Variants in CALN1 observed in about 807,000 individuals in gnomAD.
The protein encoded by CALN1 is calcium-binding protein 8.
Under a neutral mutation model 30.6 loss-of-function variants are expected in CALN1, and 17 were observed. That is an observed-to-expected ratio of 0.56 (90% CI 0.38 to 0.83). The LOEUF is 0.83. Among genes scored for constraint, CALN1 ranks in the 40% least tolerant of loss-of-function variants. The pLI, the probability that CALN1 is intolerant of heterozygous loss-of-function variation, is 0.00. For synonymous variants in CALN1, 156 were observed against 131.4 expected (o/e 1.19, Z -1.28); for missense variants, 291 against 354.9 (o/e 0.82, Z 1.45).
At chr7:72,303,729 G>A (rs949111506) in intron 2 of CALN1, among the ~76,000 whole-genome samples, 4 of 151,950 alleles carry the variant, frequency 2.6e-5, no homozygotes, top group African/African-American at 9.7e-5. Context: ...ACAGCACTAG[G>A]TGGGGTGTGC....
At chr7:72,201,515 T>C (rs1791414124) in intron 3 of CALN1, among the ~76,000 whole-genome samples, 1 of 151,262 alleles carries the variant, frequency 6.6e-6, no homozygotes, top group Non-Finnish European at 1.5e-5. Flanking sequence ...CGCTTGAACC[T>C]GGTAGGCAAA....
At chr7:72,088,715 A>AG (rs202048345) in intron 4 of CALN1, among the ~76,000 whole-genome samples, 2,680 of 150,776 alleles carry the variant, frequency 0.018, 92 homozygotes, top group African/African-American at 0.062. Flanking sequence ...AAAAAAAAAA[A>AG]AAAGAAAGAA....
intron 4 of CALN1, among the ~76,000 whole-genome samples, chr7:72,052,695 C>T (rs966216821): frequency 3.9e-5 from 6 of 152,172 alleles, no homozygotes; most frequent in Non-Finnish European, 7.3e-5. Flanking sequence ...AATCTACAGC[C>T]AGGCAGAGAA....
chr7:71,810,935 G>A (rs1452105303), intron 5 of CALN1, among the ~76,000 whole-genome samples: 4 of 133,452 alleles, frequency 3.0e-5, no homozygotes, highest in South Asian at 4.6e-4. Context: ...TTGCTCTTTC[G>A]CCCAGGCTGG....
At chr7:71,871,574 C>A (rs1010092141) in intron 5 of CALN1, among the ~76,000 whole-genome samples, 1 of 152,110 alleles carries the variant, frequency 6.6e-6, no homozygotes, top group Non-Finnish European at 1.5e-5. Context: ...CCGAGTAAGA[C>A]CCCATCTCTA....
chr7:72,478,658 C>A, the CALN1 span, among the ~76,000 whole-genome samples: 3 of 151,850 alleles, frequency 2.0e-5, no homozygotes, highest in Non-Finnish European at 4.4e-5. Context: ...TCAGTCTGTA[C>A]CTGATTGCTT....
chr7:72,196,095 G>T (rs1447544079), intron 3 of CALN1, among the ~76,000 whole-genome samples: 1 of 152,020 alleles, frequency 6.6e-6, no homozygotes, highest in Non-Finnish European at 1.5e-5. Context: ...GAATGCTAAG[G>T]GGTATTAAGT....
chr7:72,073,987 G>A (rs1453231994), intron 4 of CALN1, among the ~76,000 whole-genome samples: 1 of 152,120 alleles, frequency 6.6e-6, no homozygotes, highest in Non-Finnish European at 1.5e-5. Flanking sequence ...AAGCCACCAT[G>A]CCTGGCCTGG....
chr7:71,850,896 T>G (rs1041200354), intron 5 of CALN1, among the ~76,000 whole-genome samples: 8 of 152,050 alleles, frequency 5.3e-5, no homozygotes, highest in Non-Finnish European at 8.8e-5. Flanking sequence ...AAAAACAGAA[T>G]ACCATTTATG....
chr7:72,284,712 C>A (rs752164911), intron 2 of CALN1, among the ~76,000 whole-genome samples: 2 of 152,128 alleles, frequency 1.3e-5, no homozygotes, highest in Non-Finnish European at 2.9e-5. Flanking sequence ...ACCATTATTT[C>A]TCTTGGGTCT....
chr7:71,812,595 A>G (rs1057077330), intron 5 of CALN1, among the ~76,000 whole-genome samples: 1 of 152,208 alleles, frequency 6.6e-6, no homozygotes, highest in Non-Finnish European at 1.5e-5. Flanking sequence ...TGAGCTCAGG[A>G]AAGAACTGGT....
chr7:71,824,911 A>T (rs963500812), intron 5 of CALN1, among the ~76,000 whole-genome samples: 2 of 152,118 alleles, frequency 1.3e-5, no homozygotes, highest in African/African-American at 4.8e-5. Context: ...AGTCCTACCT[A>T]CACAGTTGAG....
intron 5 of CALN1, among the ~76,000 whole-genome samples, chr7:71,832,273 T>C (rs1789334179): frequency 1.3e-5 from 2 of 152,198 alleles, no homozygotes; most frequent in African/African-American, 4.8e-5. Flanking sequence ...CAGTTCCTTT[T>C]ACCACACCAA....
chr7:72,227,156 C>G (rs139168080), intron 3 of CALN1, among the ~76,000 whole-genome samples: 1 of 151,716 alleles, frequency 6.6e-6, no homozygotes, highest in African/African-American at 2.4e-5. Context: ...CAGTTTCAAT[C>G]GTATCTCAAA....
At chr7:71,996,523 G>A (rs1479560313) in intron 5 of CALN1, among the ~76,000 whole-genome samples, 1 of 152,186 alleles carries the variant, frequency 6.6e-6, no homozygotes, top group African/African-American at 2.4e-5. Flanking sequence ...GAGGATAATG[G>A]CTTCCAGCTC....
chr7:72,492,352 G>A, the CALN1 span, among the ~76,000 whole-genome samples: 162 of 152,346 alleles, frequency 1.1e-3, no homozygotes, highest in Non-Finnish European at 1.8e-3. Flanking sequence ...GCAAAGCCAG[G>A]TCTAGAAGCC....
At chr7:72,295,458 T>C (rs1339309212) in intron 2 of CALN1, among the ~76,000 whole-genome samples, 2 of 151,974 alleles carry the variant, frequency 1.3e-5, no homozygotes, top group African/African-American at 4.8e-5. Context: ...TTGGGCAGTA[T>C]GGCCATTTTC....
At chr7:72,401,449 A>G (rs574822058) in intron 2 of CALN1, among the ~76,000 whole-genome samples, 1 of 152,244 alleles carries the variant, frequency 6.6e-6, no homozygotes, top group East Asian at 1.9e-4. Flanking sequence ...ATACATCCCC[A>G]AGGAATAACA....
At chr7:72,103,765 G>A (rs535681849) in intron 4 of CALN1, among the ~76,000 whole-genome samples, 1 of 152,078 alleles carries the variant, frequency 6.6e-6, no homozygotes, top group African/African-American at 2.4e-5. Context: ...AAATGGAGGG[G>A]GGGGGAAGGA....
Sources: allele counts gnomAD v4.1 joint callset (sites outside exome capture counted in the v4.1 genomes callset), GRCh38; gene constraint gnomAD v4.1.1; transcripts MANE v1.5; gene names NCBI Gene and HGNC (gene_info 2026-07-23, HGNC 2026-07-21).